B3GALT6: variants seen among roughly 807,000 people sequenced by gnomAD.
The protein encoded by B3GALT6 is beta-1,3-galactosyltransferase 6, also known as GAG GalTII.
Under a neutral mutation model 23.3 loss-of-function variants are expected in B3GALT6, and 27 were observed. The observed-to-expected ratio is 1.16, with a 90% CI of 0.85 to 1.60. The LOEUF (loss-of-function observed/expected upper bound fraction) is 1.60. Among genes scored for constraint, B3GALT6 ranks in the 40% most tolerant of loss-of-function variants. The pLI, the probability that B3GALT6 is intolerant of heterozygous loss-of-function variation, is 0.00. For missense variants in B3GALT6, 554 were observed against 471.1 expected (o/e 1.18, Z -1.63); for synonymous variants, 313 against 232.3 (o/e 1.35, Z -3.16).
At position 1,232,261 on chromosome 1, in the gene B3GALT6, C is replaced by T. The variant is rs1376678962; in HGVS notation, c.-18C>T. 3 of 980,672 alleles carry T rather than the reference C, an allele frequency of 3.1e-6. No individual in the cohort carries two copies. Among genetic ancestry groups the T allele is most frequent in the Non-Finnish European group, 3.6e-6 (3 of 828,220 alleles). The allele number at this position is 980,672 out of a possible 1,614,324, so 60.7% of individuals were successfully genotyped here. On this transcript the variant is annotated 5_prime_UTR_variant, in exon 1 of 1. Coordinates refer to ENST00000379198, the MANE Select transcript of B3GALT6 (RefSeq NM_080605.4). Reference sequence around the variant, plus strand: ...CACTCGCGAGTCCGGCCTGGGCCGCCGGCCCGGCGCGGGCGCCATGAAGCT... The same window carrying T: ...CACTCGCGAGTCCGGCCTGGGCCGCTGGCCCGGCGCGGGCGCCATGAAGCT...
At position 1,233,497 on chromosome 1, in the gene B3GALT6, G is replaced by T. The variant is rs1035052114; in HGVS notation, c.*229G>T. On this transcript the variant is annotated 3_prime_UTR_variant, in exon 1 of 1. Transcript: ENST00000379198. Reference sequence around the variant, plus strand: ...ACCTCAGCGAGCCTGAGCCGGGCCCGGCCGCACGCTGACCCCCGTGCTGTC... The same window carrying T: ...ACCTCAGCGAGCCTGAGCCGGGCCCTGCCGCACGCTGACCCCCGTGCTGTC... 3 of 492,588 alleles carry T rather than the reference G, an allele frequency of 6.1e-6. No homozygotes were observed. Among genetic ancestry groups the T allele is most frequent in the African/African-American group, 4.1e-5 (2 of 48,616 alleles). 30.5% of individuals were successfully genotyped at this position (492,588 alleles called of 1,614,324 possible).
In B3GALT6 at chr1:1,232,945, G is replaced by A. The variant is rs548246291; in HGVS notation, c.667G>A (p.Asp223Asn). 7.0e-6 allele frequency: 11 copies of A among 1,564,578 alleles called. No individual in the cohort carries two copies. In the African/African-American group the frequency reaches 1.1e-4, roughly 15 times the overall value. Residue 223 changes from aspartate (D) to asparagine (N), a missense_variant, in exon 1 of 1, where the codon GAC becomes AAC. Coordinates refer to ENST00000379198, the MANE Select transcript of B3GALT6 (RefSeq NM_080605.4). ...ALGGGYVLSA[D>N]LVHYLRLSRD... is the part of the protein sequence containing the mutation. ...GGGCGGCGGCTACGTGCTCTCGGCC[G>A]ACCTGGTGCACTACCTGCGCCTCAG...
rs1052599514 is a variant in B3GALT6 at position 1,233,471 on chromosome 1, G to C, written c.*203G>C. Reference sequence around the variant, plus strand: ...GTCCAGGTGGAGGTGCCCGTTCCTGGACCTCAGCGAGCCTGAGCCGGGCCC... The same window carrying C: ...GTCCAGGTGGAGGTGCCCGTTCCTGCACCTCAGCGAGCCTGAGCCGGGCCC... On this transcript the variant is annotated 3_prime_UTR_variant, in exon 1 of 1. Coordinates refer to ENST00000379198, the MANE Select transcript of B3GALT6 (RefSeq NM_080605.4). The C allele has an allele frequency of 1.5e-6, 1 of 648,592 alleles. No individual in the cohort carries two copies. The highest frequency in any genetic ancestry group is 2.3e-6 in the Non-Finnish European group (1 of 429,076). 40.2% of individuals were successfully genotyped at this position (648,592 alleles called of 1,614,324 possible). A position where few individuals can be genotyped will look rare whatever the true frequency, so the allele number is the denominator to read the frequency against.
At position 1,232,256 on chromosome 1, in the gene B3GALT6, G is replaced by A. The variant is rs867887048; in HGVS notation, c.-23G>A. 152 of 980,912 alleles carry A rather than the reference G, an allele frequency of 1.5e-4. No individual in the cohort carries two copies. Among genetic ancestry groups the A allele is most frequent in the Middle Eastern group, 5.2e-4 (1 of 1,914 alleles). The allele number at this position is 980,912 out of a possible 1,614,324, so 60.8% of individuals were successfully genotyped here. A position where few individuals can be genotyped will look rare whatever the true frequency, so the allele number is the denominator to read the frequency against. On this transcript the variant is annotated 5_prime_UTR_variant, in exon 1 of 1. Coordinates refer to ENST00000379198, the MANE Select transcript of B3GALT6 (RefSeq NM_080605.4). Reference sequence around the variant, plus strand: ...CTGCGCACTCGCGAGTCCGGCCTGGGCCGCCGGCCCGGCGCGGGCGCCATG... The same window carrying A: ...CTGCGCACTCGCGAGTCCGGCCTGGACCGCCGGCCCGGCGCGGGCGCCATG...
rs374645024 is a variant in B3GALT6 at position 1,233,173 on chromosome 1, C to A, written c.895C>A (p.Leu299Met). 246 of 1,545,936 alleles carry A rather than the reference C, an allele frequency of 1.6e-4. No homozygotes were observed. Among genetic ancestry groups the A allele is most frequent in the Non-Finnish European group, 2.0e-4 (231 of 1,150,062 alleles). ...KHATLAREGR[L>M]CKREVQLRLS... ...CGCGACGCTGGCGCGCGAGGGCCGC[C>A]TGTGCAAGCGCGAGGTGCAGCTGCG... Residue 299 changes from leucine to methionine, a missense_variant, in exon 1 of 1, where the codon CTG becomes ATG. By Grantham distance (15) the Leu-to-Met change is conservative (BLOSUM62 2). Transcript: ENST00000379198.
rs1381077083 is a variant in B3GALT6, at chr1:1,233,009, C to T, written c.731C>T (p.Ser244Phe). Residue 244 changes from serine (S) to phenylalanine (F), a missense_variant, in exon 1 of 1, where the codon TCT (serine) becomes TTT (phenylalanine). Transcript: ENST00000379198. ...YLRAWHSEDV[S>F]LGAWLAPVDV... The stretch of plus-strand genomic sequence containing the variant: ...CGCGCCTGGCACAGCGAGGACGTGT[C>T]TCTGGGCGCCTGGCTGGCGCCGGTG... The T allele has an allele frequency of 3.9e-6, 6 of 1,557,308 alleles. No homozygotes were observed. Among genetic ancestry groups the T allele is most frequent in the East Asian group, 2.4e-5 (1 of 42,108 alleles).
rs927488421 is a variant in B3GALT6 at position 1,233,443 on chromosome 1, C to T, written c.*175C>T. 50 of 867,236 alleles carry T rather than the reference C, an allele frequency of 5.8e-5. No homozygotes were observed. Among genetic ancestry groups the T allele is most frequent in the African/African-American group, 1.4e-4 (8 of 55,282 alleles). 53.7% of individuals were successfully genotyped at this position (867,236 alleles called of 1,614,324 possible). A position where few individuals can be genotyped will look rare whatever the true frequency, so the allele number is the denominator to read the frequency against. ...CCTGGGGGTTGCCGGGGCAGCGCGC[C>T]GTGTCCAGGTGGAGGTGCCCGTTCC... On this transcript the variant is annotated 3_prime_UTR_variant, in exon 1 of 1. Transcript: ENST00000379198.
rs1169536836 is a variant in B3GALT6, at chr1:1,233,524, C to A, written c.*256C>A. The stretch of plus-strand genomic sequence containing the variant: ...CCGCACGCTGACCCCCGTGCTGTCC[C>A]CGACCGGCTCACGGGGCTGGGCTCC... On this transcript the variant is annotated 3_prime_UTR_variant, in exon 1 of 1. Coordinates refer to ENST00000379198, the MANE Select transcript of B3GALT6 (RefSeq NM_080605.4). 7 of 400,974 alleles carry A rather than the reference C, an allele frequency of 1.7e-5. No individual in the cohort carries two copies. Among genetic ancestry groups the A allele is most frequent in the Non-Finnish European group, 3.2e-5 (7 of 220,628 alleles). 24.8% of individuals were successfully genotyped at this position (400,974 alleles called of 1,614,324 possible).
Position 1,232,770 on chromosome 1 carries a change from C to G in B3GALT6, c.492C>G (p.Asp164Glu). 7.2e-7 allele frequency: 1 copy of G among 1,398,506 alleles called. No individual in the cohort carries two copies. The highest frequency in any genetic ancestry group is 2.9e-5 in the East Asian group (1 of 34,138). The allele number at this position is 1,398,506 out of a possible 1,614,324, so 86.6% of individuals were successfully genotyped here. A position where few individuals can be genotyped will look rare whatever the true frequency, so the allele number is the denominator to read the frequency against. The change falls in exon 1 of 1, where the codon GAC becomes GAG. Residue 164 changes from aspartate (D) to glutamate (E), a missense_variant. Transcript: ENST00000379198. ...KADDDSFARL[D>E]ALLAELRARE... ...ACGACGACTCCTTCGCGCGGCTGGACGCGCTGCTGGCCGAGCTGCGCGCCC... is the reference window on the plus strand; with the variant it reads ...ACGACGACTCCTTCGCGCGGCTGGAGGCGCTGCTGGCCGAGCTGCGCGCCC...
Position 1,232,564 on chromosome 1 carries a change from G to C in B3GALT6, c.286G>C (p.Val96Leu). The C allele has an allele frequency of 8.5e-7, 1 of 1,180,368 alleles. No homozygotes were observed. The highest frequency in any genetic ancestry group is 1.0e-6 in the Non-Finnish European group (1 of 955,332). The allele number at this position is 1,180,368 out of a possible 1,614,324, so 73.1% of individuals were successfully genotyped here. A position where few individuals can be genotyped will look rare whatever the true frequency, so the allele number is the denominator to read the frequency against. ...APGDVWARFA[V>L]GTAGLGAEER... ...GGGCGACGTGTGGGCGCGCTTTGCC[G>C]TGGGCACGGCCGGCCTGGGCGCCGA... is the stretch of plus-strand genomic sequence containing the variant. The change falls in exon 1 of 1, where the codon GTG becomes CTG. Residue 96 changes from valine (V) to leucine (L), a missense_variant. Coordinates refer to ENST00000379198, the MANE Select transcript of B3GALT6 (RefSeq NM_080605.4).
Position 1,232,661 on chromosome 1 carries a change from C to G in B3GALT6, c.383C>G (p.Ala128Gly). 1.5e-6 allele frequency: 2 copies of G among 1,326,182 alleles called. No individual in the cohort carries two copies. The highest frequency in any genetic ancestry group is 3.0e-5 in the East Asian group (1 of 33,828). The allele number at this position is 1,326,182 out of a possible 1,614,324, so 82.2% of individuals were successfully genotyped here. A position where few individuals can be genotyped will look rare whatever the true frequency, so the allele number is the denominator to read the frequency against. Reference sequence around the variant, plus strand: ...CTGCTGCTGCCCGCGCTGCGCGACGCCTACGAAAACCTCACGGCCAAGGTG... The same window carrying G: ...CTGCTGCTGCCCGCGCTGCGCGACGGCTACGAAAACCTCACGGCCAAGGTG... ...DLLLLPALRD[A>G]YENLTAKVLA... Residue 128 changes from alanine to glycine, a missense_variant, in exon 1 of 1, where the codon GCC (alanine) becomes GGC (glycine). Ala to Gly is a moderately conservative substitution (Grantham distance 60, BLOSUM62 0). Transcript: ENST00000379198.
chr1:1,232,962 G>A lies in B3GALT6; in HGVS notation c.684G>A (p.Leu228=), dbSNP rs749494740. Residue 228 remains leucine, a synonymous_variant, in exon 1 of 1, where the codon CTG becomes CTA. Transcript: ENST00000379198. ...TCTCGGCCGACCTGGTGCACTACCT[G>A]CGCCTCAGCCGCGACTACCTGCGCG... ...YVLSADLVHY[L]RLSRDYLRAW... The A allele has an allele frequency of 2.6e-6, 4 of 1,564,214 alleles. No individual in the cohort carries two copies. Among genetic ancestry groups the A allele is most frequent in the South Asian group, 2.3e-5 (2 of 86,596 alleles).
Position 1,232,979 on chromosome 1 carries a change from A to G in B3GALT6, c.701A>G (p.Tyr234Cys). 1 of 1,563,672 alleles carries G rather than the reference A, an allele frequency of 6.4e-7. No homozygotes were observed. The part of the protein sequence containing the change: ...LVHYLRLSRD[Y>C]LRAWHSEDVS... Reference sequence around the variant, plus strand: ...CACTACCTGCGCCTCAGCCGCGACTACCTGCGCGCCTGGCACAGCGAGGAC... The same window carrying G: ...CACTACCTGCGCCTCAGCCGCGACTGCCTGCGCGCCTGGCACAGCGAGGAC... The change falls in exon 1 of 1, where the codon TAC becomes TGC. Residue 234 changes from tyrosine to cysteine, a missense_variant. Physicochemically the swap from Tyr to Cys is radical, Grantham distance 194. Transcript: ENST00000379198.
Position 1,233,110 on chromosome 1 carries a change from A to T in B3GALT6, c.832A>T (p.Thr278Ser), listed in dbSNP as rs1261544083. 6.4e-7 allele frequency: 1 copy of T among 1,563,420 alleles called. No homozygotes were observed. Residue 278 changes from threonine (T) to serine (S), a missense_variant, in exon 1 of 1, where the codon ACG becomes TCG. Physicochemically the swap from Thr to Ser is moderately conservative, Grantham distance 58. Transcript: ENST00000379198. ...CGGCTGCAGCAACCAGTACCTGGTG[A>T]CGCACAAGCAGAGCCTGGAGGACAT... ...SRGCSNQYLV[T>S]HKQSLEDMLE...
rs1224612114 is a variant in B3GALT6 at position 1,232,623 on chromosome 1, G to T, written c.345G>T (p.Arg115=). The T allele has an allele frequency of 3.2e-6, 4 of 1,256,586 alleles. No individual in the cohort carries two copies. The highest frequency in any genetic ancestry group is 1.0e-6 in the Non-Finnish European group (1 of 999,152). The allele number at this position is 1,256,586 out of a possible 1,614,324, so 77.8% of individuals were successfully genotyped here. A position where few individuals can be genotyped will look rare whatever the true frequency, so the allele number is the denominator to read the frequency against. Residue 115 remains arginine, a synonymous_variant, in exon 1 of 1, where the codon CGG becomes CGT. Transcript: ENST00000379198. ...ERRALEREQA[R]HGDLLLLPAL... ...GCGCCCTGGAGCGGGAGCAGGCGCGGCACGGGGACCTGCTGCTGCTGCCCG... is the reference window on the plus strand; with the variant it reads ...GCGCCCTGGAGCGGGAGCAGGCGCGTCACGGGGACCTGCTGCTGCTGCCCG...
Position 1,233,339 on chromosome 1 carries a change from G to A in B3GALT6, c.*71G>A. On this transcript the variant is annotated 3_prime_UTR_variant, in exon 1 of 1. Transcript: ENST00000379198. ...GCCTTGGGGCAGGTGCCGAGCGGGC[G>A]CACTACGCCCGGGCCCCAAGGCCCC... The A allele has an allele frequency of 7.2e-7, 1 of 1,380,180 alleles. No homozygotes were observed. The highest frequency in any genetic ancestry group is 9.3e-7 in the Non-Finnish European group (1 of 1,073,012). 85.5% of individuals were successfully genotyped at this position (1,380,180 alleles called of 1,614,324 possible).
rs1638533117 is a variant in B3GALT6 at position 1,232,364 on chromosome 1, T to A, written c.86T>A (p.Leu29Gln). 18 of 985,674 alleles carry A rather than the reference T, an allele frequency of 1.8e-5. No homozygotes were observed. Among genetic ancestry groups the A allele is most frequent in the Non-Finnish European group, 2.2e-5 (18 of 831,686 alleles). The allele number at this position is 985,674 out of a possible 1,614,324, so 61.1% of individuals were successfully genotyped here. A position where few individuals can be genotyped will look rare whatever the true frequency, so the allele number is the denominator to read the frequency against. Residue 29 changes from leucine to glutamine, a missense_variant, in exon 1 of 1, where the codon CTG becomes CAG. Transcript: ENST00000379198. ...LALCGAALLY[L>Q]ARCAAEPGDP... The stretch of plus-strand genomic sequence containing the variant: ...CTGTGCGGGGCGGCGCTGCTCTACC[T>A]GGCGCGCTGCGCGGCCGAGCCCGGG...
chr1:1,232,331 C>T lies in B3GALT6; in HGVS notation c.53C>T (p.Thr18Met), dbSNP rs1638531781. The stretch of plus-strand genomic sequence containing the variant: ...CGGCGGGCGGCGCTAGGCCTGGGCA[C>T]GCTGGCGCTGTGCGGGGCGGCGCTG... ...WRRRAALGLGTLALCGAALLY... is the reference protein window; with the variant it reads ...WRRRAALGLGMLALCGAALLY... The change falls in exon 1 of 1, where the codon ACG becomes ATG. Residue 18 changes from threonine (T) to methionine (M), a missense_variant. Transcript: ENST00000379198. 1 of 984,238 alleles carries T rather than the reference C, an allele frequency of 1.0e-6. No individual in the cohort carries two copies. The highest frequency in any genetic ancestry group is 1.2e-6 in the Non-Finnish European group (1 of 830,584). 61.0% of individuals were successfully genotyped at this position (984,238 alleles called of 1,614,324 possible). A position where few individuals can be genotyped will look rare whatever the true frequency, so the allele number is the denominator to read the frequency against.
At position 1,232,373 on chromosome 1, in the gene B3GALT6, G is replaced by A; in HGVS notation, c.95G>A (p.Cys32Tyr). ...CGAALLYLAR[C>Y]AAEPGDPRAM... ...GCGGCGCTGCTCTACCTGGCGCGCT[G>A]CGCGGCCGAGCCCGGGGACCCCAGG... Residue 32 changes from cysteine (C) to tyrosine (Y), a missense_variant, in exon 1 of 1, where the codon TGC becomes TAC. Cys to Tyr is a radical substitution (Grantham distance 194, BLOSUM62 -2). Transcript: ENST00000379198. 1.0e-6 allele frequency: 1 copy of A among 986,602 alleles called. No individual in the cohort carries two copies. The highest frequency in any genetic ancestry group is 1.2e-6 in the Non-Finnish European group (1 of 832,142). The allele number at this position is 986,602 out of a possible 1,614,324, so 61.1% of individuals were successfully genotyped here. A position where few individuals can be genotyped will look rare whatever the true frequency, so the allele number is the denominator to read the frequency against.
Sources: gnomAD v4.1 joint callset for allele counts on GRCh38, gnomAD v4.1.1 for gene constraint, MANE v1.5 for transcripts, NCBI Gene and HGNC (gene_info 2026-07-23, HGNC 2026-07-21) for gene names.